The following XYLT1 variants were observed in gnomAD, a reference collection of about 807,000 sequenced individuals.
XYLT1 encodes xylosyltransferase 1, also known as beta-D-xylosyltransferase 1.
A neutral mutation model predicts 91.3 loss-of-function variants in XYLT1; 36 were observed. That is an observed-to-expected ratio of 0.39 (90% CI 0.30 to 0.52). The LOEUF (loss-of-function observed/expected upper bound fraction) is 0.52, where lower values mean the gene tolerates loss of function less well. XYLT1 is among the 20% of genes least tolerant of loss of function. The pLI, the probability that XYLT1 is intolerant of heterozygous loss-of-function variation, is 0.68. For synonymous variants in XYLT1, 588 were observed against 532.0 expected, an observed-to-expected ratio of 1.11 and a Z score of -1.45; for missense variants, 1,242 against 1,284.5, an observed-to-expected ratio of 0.97 and a Z score of 0.51.
chr16:17,352,210 T>G (rs7201224), intron 2 of XYLT1, among the ~76,000 whole-genome samples: 4,555 of 152,312 alleles, frequency 0.03, 213 homozygotes, highest in African/African-American at 0.1. Context: ...TACTGGTTTA[T>G]ACTTAAGTTT....
chr16:17,469,918 G>T (rs888499699), intron 1 of XYLT1, among the ~76,000 whole-genome samples: 2 of 152,156 alleles, frequency 1.3e-5, no homozygotes, highest in African/African-American at 2.4e-5. Flanking sequence ...TTGATTCAGG[G>T]GCATGGTCGG....
At chr16:17,269,827 T>TATTATTATTA (rs1229306791) in intron 2 of XYLT1, among the ~76,000 whole-genome samples, 2 of 149,820 alleles carry the variant, frequency 1.3e-5, no homozygotes, top group Admixed American at 6.6e-5. Context: ...TTATCATTAT[T>TATTATTATTA]TTGAGATGGA....
chr16:17,188,999 T>G (rs1374930533), intron 5 of XYLT1, among the ~76,000 whole-genome samples: 1 of 152,224 alleles, frequency 6.6e-6, no homozygotes, highest in East Asian at 1.9e-4. Context: ...GAGTTGCTGC[T>G]TAGCACAGTG....
At chr16:17,252,163 A>G (rs566671177) in intron 3 of XYLT1, among the ~76,000 whole-genome samples, 1 of 152,342 alleles carries the variant, frequency 6.6e-6, no homozygotes, top group African/African-American at 2.4e-5. Flanking sequence ...TAACAAGCCA[A>G]GCACATCCAC....
At chr16:17,271,615 G>C (rs2033896334) in intron 2 of XYLT1, among the ~76,000 whole-genome samples, 1 of 152,184 alleles carries the variant, frequency 6.6e-6, no homozygotes, top group African/African-American at 2.4e-5. Context: ...GGGCTATCTT[G>C]TACATTGCAG....
At chr16:17,254,784 C>G (rs1050446161) in intron 3 of XYLT1, among the ~76,000 whole-genome samples, 12 of 152,178 alleles carry the variant, frequency 7.9e-5, no homozygotes, top group African/African-American at 2.9e-4. Context: ...AGTAAGCTTT[C>G]AGTCAACACA....
rs374776655 is a variant in XYLT1, at chr16:17,268,648, C to T, written c.403-9150G>A. Among the ~76,000 whole-genome samples, 4 of 150,536 alleles carry T rather than the reference C, an allele frequency of 2.7e-5. 1 individual carries two copies. The highest frequency in any genetic ancestry group is 4.2e-4 in the South Asian group (2 of 4,768). ...ACACACACACAGAACAGATAGAAAT[C>T]GAAGTTGAGTGATAAATACTTTTTT... On this transcript the variant is annotated intron_variant, in intron 2 of 11. Transcript: ENST00000261381.
At chr16:17,218,506 C>T (rs1007252765) in intron 3 of XYLT1, among the ~76,000 whole-genome samples, 2 of 152,112 alleles carry the variant, frequency 1.3e-5, no homozygotes, top group African/African-American at 4.8e-5. Context: ...CAGTGCCTTA[C>T]ATAGCAGGGC....
chr16:17,292,618 G>A (rs377413063), intron 2 of XYLT1, among the ~76,000 whole-genome samples: 2 of 152,320 alleles, frequency 1.3e-5, no homozygotes, highest in African/African-American at 2.4e-5. Flanking sequence ...ACAGACTGGC[G>A]ATGAAGGAGA....
At chr16:17,365,619 C>CTT (rs2035445357) in intron 1 of XYLT1, among the ~76,000 whole-genome samples, 1 of 152,154 alleles carries the variant, frequency 6.6e-6, no homozygotes, top group South Asian at 2.1e-4. Flanking sequence ...CTCTTTCTCT[C>CTT]TTTTGTATTA....
intron 3 of XYLT1, among the ~76,000 whole-genome samples, chr16:17,217,561 T>A (rs1356699908): frequency 6.6e-6 from 1 of 152,206 alleles, no homozygotes; most frequent in Non-Finnish European, 1.5e-5. Flanking sequence ...ATTCTCTCTT[T>A]CCTTCCTCCC....
chr16:17,272,007 G>A (rs2033902095), intron 2 of XYLT1, among the ~76,000 whole-genome samples: 2 of 152,100 alleles, frequency 1.3e-5, no homozygotes, highest in Admixed American at 1.3e-4. Context: ...GGGTGACCAG[G>A]GAGAAATGGC....
intron 10 of XYLT1, among the ~76,000 whole-genome samples, chr16:17,125,530 C>T (rs2141493546): frequency 6.6e-6 from 1 of 152,054 alleles, no homozygotes; most frequent in East Asian, 1.9e-4. Context: ...GCCTAAGGGC[C>T]TTTGTATATG....
chr16:17,361,695 A>ACACAGTGACACTG (rs2035384413), intron 1 of XYLT1, among the ~76,000 whole-genome samples: 3 of 152,324 alleles, frequency 2.0e-5, no homozygotes, highest in Admixed American at 2.0e-4. Context: ...TGTGCCCAAT[A>ACACAGTGACACTG]TACCAGTCCT....
At chr16:17,263,570 G>T (rs1423397712) in intron 2 of XYLT1, among the ~76,000 whole-genome samples, 2 of 151,794 alleles carry the variant, frequency 1.3e-5, no homozygotes, top group African/African-American at 4.8e-5. Flanking sequence ...ACAGATACTA[G>T]ATCGCTTCCA....
intron 1 of XYLT1, among the ~76,000 whole-genome samples, chr16:17,413,325 A>G (rs2036136758): frequency 6.6e-6 from 1 of 152,198 alleles, no homozygotes; most frequent in South Asian, 2.1e-4. Flanking sequence ...GGGTACCCAC[A>G]CATGAGCAAG....
intron 1 of XYLT1, among the ~76,000 whole-genome samples, chr16:17,399,799 A>C (rs2035941256): frequency 6.8e-6 from 1 of 146,022 alleles, no homozygotes; most frequent in African/African-American, 2.6e-5. Flanking sequence ...AGCCCCCACC[A>C]CCACCCACAG....
intron 1 of XYLT1, among the ~76,000 whole-genome samples, chr16:17,363,481 T>G (rs1442996736): frequency 6.6e-6 from 1 of 152,226 alleles, no homozygotes; most frequent in African/African-American, 2.4e-5. Context: ...GCCTTCTCAC[T>G]GTTTCCTCAC....
At chr16:17,123,670 G>T (rs938336984) in intron 10 of XYLT1, among the ~76,000 whole-genome samples, 3 of 152,182 alleles carry the variant, frequency 2.0e-5, no homozygotes, top group Admixed American at 6.5e-5. Flanking sequence ...AAAATGTTCT[G>T]TAAGTACCTG....
Sources: gnomAD v4.1 joint callset for allele counts (sites outside exome capture counted in the v4.1 genomes callset) on GRCh38, gnomAD v4.1.1 for gene constraint, MANE v1.5 for transcripts, NCBI Gene and HGNC (gene_info 2026-07-23, HGNC 2026-07-21) for gene names.